The following FLII variants were observed in gnomAD, a reference collection of about 807,000 sequenced individuals.
The protein encoded by FLII is protein flightless-1 homolog.
Under a neutral mutation model 156.2 loss-of-function variants are expected in FLII, and 101 were observed. That is an observed-to-expected ratio of 0.65 (90% CI 0.55 to 0.76). FLII has a LOEUF of 0.76. Ranked by LOEUF, FLII falls within the 30% of genes least tolerant of loss-of-function variation. The pLI, the probability that FLII is intolerant of heterozygous loss-of-function variation, is 0.00. For missense variants in FLII, 1,675 were observed against 1,682.8 expected, an observed-to-expected ratio of 1.00 and a Z score of 0.08; for synonymous variants, 767 against 685.8, an observed-to-expected ratio of 1.12 and a Z score of -1.85.
chr17:18,247,881 G>T (rs1239511381), intron 19 of FLII, 33 bp from the exon 20 acceptor site: 1 of 1,613,478 alleles, frequency 6.2e-7, no homozygotes, highest in Non-Finnish European at 8.5e-7. Flanking sequence ...TCAAAGCCCA[G>T]CCAACGGGGA....
rs978809088 is a variant in FLII, at chr17:18,256,602, G to A, written c.175-5C>T. 3.9e-6 allele frequency: 6 copies of A among 1,551,364 alleles called. No individual in the cohort carries two copies. The highest frequency in any genetic ancestry group is 5.2e-6 in the Non-Finnish European group (6 of 1,146,926). On this transcript the variant is annotated splice_polypyrimidine_tract_variant and splice_region_variant and intron_variant, in intron 2 of 29. Transcript: ENST00000327031. The stretch of plus-strand genomic sequence containing the variant: ...GTGGCTCACAGACAAGTGTTCCTGG[G>A]CCGGAATGGGGAGCACAGGCTCAGC...
intron 2 of FLII, 142 bp from the exon 3 acceptor site, chr17:18,256,739 C>T: frequency 1.2e-6 from 1 of 821,694 alleles, no homozygotes; most frequent in Non-Finnish European, 2.0e-6. Context: ...CCTCACTCAC[C>T]CGGCCTCTTC....
chr17:18,249,035 G>T, intron 16 of FLII, 92 bp downstream of exon 16: 1 of 1,385,604 alleles, frequency 7.2e-7, no homozygotes, highest in Non-Finnish European at 1.0e-6. Context: ...AATTGCTAGA[G>T]GGCCTCCTCT....
In FLII at chr17:18,253,957, A is replaced by G. The variant is rs867349382; in HGVS notation, c.679+122T>C. ...TCATAATCGCAAAAGTCACTGTAACATAACTCCAGCCTTTTCCCTCTGGGT... is the reference window on the plus strand; with the variant it reads ...TCATAATCGCAAAAGTCACTGTAACGTAACTCCAGCCTTTTCCCTCTGGGT... On this transcript the variant is annotated intron_variant, in intron 7 of 29. Coordinates refer to ENST00000327031, the MANE Select transcript of FLII (RefSeq NM_002018.4). The G allele has an allele frequency of 4.5e-5, 37 of 822,044 alleles. No homozygotes were observed. The African/African-American group carries it at 5.3e-4, about 12-fold the overall frequency. 50.9% of individuals were successfully genotyped at this position (822,044 alleles called of 1,614,324 possible).
In FLII at chr17:18,247,869, G is replaced by A. The variant is rs201786801; in HGVS notation, c.2296-21C>T. ...TGCAGCTGCGGACCGGGAGTCTGGA[G>A]GTCAAAGCCCAGCCAACGGGGAGGG... On this transcript the variant is annotated intron_variant, in intron 19 of 29. Coordinates refer to ENST00000327031, the MANE Select transcript of FLII (RefSeq NM_002018.4). 13 of 1,613,892 alleles carry A rather than the reference G, an allele frequency of 8.1e-6. No homozygotes were observed. In the Admixed American group the frequency reaches 1.5e-4, roughly 19 times the overall value.
intron 14 of FLII, among the ~76,000 whole-genome samples, chr17:18,250,376 A>G (rs2048222047): frequency 6.6e-6 from 1 of 152,114 alleles, no homozygotes; most frequent in Non-Finnish European, 1.5e-5. Flanking sequence ...GTCTAGGTGT[A>G]ACCAGCTGGC....
Position 18,247,652 on chromosome 17 carries a change from C to G in FLII, c.2487+5G>C, listed in dbSNP as rs141481849. On this transcript the variant is annotated splice_donor_5th_base_variant and intron_variant, in intron 20 of 29. Coordinates refer to ENST00000327031, the MANE Select transcript of FLII (RefSeq NM_002018.4). ...GGGGAGGGGCCTCCGAAGCTGCAAG[C>G]GCACCTGCGCCTCGGTGCCCTCGAG... is the stretch of plus-strand genomic sequence containing the variant. The G allele has an allele frequency of 1.3e-6, 2 of 1,575,828 alleles. No individual in the cohort carries two copies. The highest frequency in any genetic ancestry group is 1.7e-6 in the Non-Finnish European group (2 of 1,167,242).
intron 14 of FLII, among the ~76,000 whole-genome samples, chr17:18,250,115 T>C (rs2048213409): frequency 6.6e-6 from 1 of 152,216 alleles, no homozygotes; most frequent in South Asian, 2.1e-4. Context: ...AGCGAGAGTC[T>C]GTCTAAAATA....
intron 20 of FLII, 37 bp from the exon 21 acceptor site, chr17:18,247,394 G>A (rs778499002): frequency 1.9e-6 from 3 of 1,553,560 alleles, no homozygotes; most frequent in South Asian, 2.3e-5. Flanking sequence ...TGAGGGGTGC[G>A]GCATGATTAG....
chr17:18,247,166 C>G lies in FLII; in HGVS notation c.2676+3G>C, dbSNP rs758272453. On this transcript the variant is annotated splice_donor_region_variant and intron_variant, in intron 21 of 29. Transcript: ENST00000327031. ...CGCGCCCCGGTCCCGGCCCTGCCCCCACCTCGGCCAGCGACATGGGCGGCT... is the reference window on the plus strand; with the variant it reads ...CGCGCCCCGGTCCCGGCCCTGCCCCGACCTCGGCCAGCGACATGGGCGGCT... 13 of 1,554,956 alleles carry G rather than the reference C, an allele frequency of 8.4e-6. No individual in the cohort carries two copies. Among genetic ancestry groups the G allele is most frequent in the East Asian group, 2.3e-5 (1 of 43,414 alleles).
At chr17:18,248,501 C>A (rs201768971) in intron 18 of FLII, 49 bp downstream of exon 18, 6 of 1,537,704 alleles carry the variant, frequency 3.9e-6, no homozygotes, top group Admixed American at 1.9e-5. Context: ...TTCCCCCAGT[C>A]GGTGGGTGAA....
chr17:18,254,637 T>A lies in FLII; in HGVS notation c.459A>T (p.Leu153=), dbSNP rs569339279. The A allele has an allele frequency of 6.2e-7, 1 of 1,613,906 alleles. No individual in the cohort carries two copies. The highest frequency in any genetic ancestry group is 1.7e-5 in the Admixed American group (1 of 60,002). The change falls in exon 6 of 30, where the codon CTA becomes CTT. Residue 153 remains leucine (L), a synonymous_variant. Transcript: ENST00000327031. ...GGTTCTCGCTGAGGTCCAGGTATAG[T>A]AGGTCAGTGAGGTTGATGAAGAGCT... ...PNQLFINLTD[L]LYLDLSENRL...
rs2048331979 is a variant in FLII, at chr17:18,253,601, G to C, written c.798C>G (p.Asp266Glu). The part of the protein sequence containing the change: ...NQITELSLCI[D>E]QWVHVETLNL... ...TCAGAGTTTCCACGTGCACCCACTG[G>C]TCTATGCACAGGGACAGCTCCGTGA... Residue 266 changes from aspartate (D) to glutamate (E), a missense_variant, in exon 8 of 30, where the codon GAC becomes GAG. Physicochemically the swap from Asp to Glu is conservative, Grantham distance 45. Coordinates refer to ENST00000327031, the MANE Select transcript of FLII (RefSeq NM_002018.4). 1.2e-6 allele frequency: 2 copies of C among 1,613,988 alleles called. No individual in the cohort carries two copies. Among genetic ancestry groups the C allele is most frequent in the African/African-American group, 2.7e-5 (2 of 74,932 alleles).
At chr17:18,257,303 T>A (rs908403876) in intron 1 of FLII, 9 of 424,404 alleles carry the variant, frequency 2.1e-5, no homozygotes, top group Non-Finnish European at 3.4e-5. Context: ...AAGCCCAGCA[T>A]CCGGCTCTGT....
rs1162563519 is a variant in FLII at position 18,251,338 on chromosome 17, T to C, written c.1523A>G (p.Asn508Ser). 1 of 1,613,754 alleles carries C rather than the reference T, an allele frequency of 6.2e-7. No individual in the cohort carries two copies. Among genetic ancestry groups the C allele is most frequent in the Non-Finnish European group, 8.5e-7 (1 of 1,180,032 alleles). ...LPGLTIWQIE[N>S]FVPVLVEEAF... ...TTCCTCCACCAGCACAGGCACGAAG[T>C]TCTCTATCTGCCAGATGGTCAGTCC... The change falls in exon 13 of 30, where the codon AAC becomes AGC. Residue 508 changes from asparagine to serine, a missense_variant. By Grantham distance (46) the Asn-to-Ser change is conservative. This residue lies in a region of FLII where 1,332 missense variants were observed against 1,269.3 expected (regional missense o/e 1.05). Transcript: ENST00000327031.
rs750255746 is a variant in FLII, at chr17:18,251,289, C to T, written c.1572G>A (p.Glu524=). The T allele has an allele frequency of 2.3e-5, 37 of 1,613,910 alleles. No homozygotes were observed. The Admixed American group carries it at 6.0e-4, about 26-fold the overall frequency. The change falls in exon 13 of 30, where the codon GAG becomes GAA. Residue 524 remains glutamate (E), a synonymous_variant. Transcript: ENST00000327031. ...VEEAFHGKFY[E]ADCYIVLKTF... is the part of the protein sequence containing the mutation. ...CCTTGAGCACAATGTAGCAGTCAGCCTCGTAGAACTTGCCGTGGAAGGCTT... is the reference window on the plus strand; with the variant it reads ...CCTTGAGCACAATGTAGCAGTCAGCTTCGTAGAACTTGCCGTGGAAGGCTT...
In FLII at chr17:18,245,772, C is replaced by T. The variant is rs200966684; in HGVS notation, c.3475G>A (p.Glu1159Lys). Reference sequence around the variant, plus strand: ...AAGAGACGTGTGTGTTTCATGTACTCGGCATCGTCATCATAGGGCTTCTGT... The same window carrying T: ...AAGAGACGTGTGTGTTTCATGTACTTGGCATCGTCATCATAGGGCTTCTGT... ...GAQKPYDDDA[E>K]YMKHTRLFRC... Residue 1159 changes from glutamate to lysine, a missense_variant, in exon 27 of 30, where the codon GAG (glutamate) becomes AAG (lysine). Around this residue, in one of 2 missense-constraint regions of FLII, gnomAD observed 1,332 missense variants for 1,269.3 expected, o/e 1.05. Transcript: ENST00000327031. The T allele has an allele frequency of 4.0e-5, 65 of 1,613,988 alleles. 1 individual carries two copies. The highest frequency in any genetic ancestry group is 2.7e-4 in the East Asian group (12 of 44,852).
chr17:18,255,290 AT>A (rs2048381999), intron 3 of FLII, 27 bp from the exon 4 acceptor site: 25 of 1,589,028 alleles, frequency 1.6e-5, no homozygotes, highest in Non-Finnish European at 2.1e-5. Flanking sequence ...AGAGTCTATA[AT>A]TCCTGGCTTC....
rs778516769 is a variant in FLII at position 18,246,721 on chromosome 17, T to G, written c.2924A>C (p.Gln975Pro). 3 of 1,613,530 alleles carry G rather than the reference T, an allele frequency of 1.9e-6. No individual in the cohort carries two copies. The highest frequency in any genetic ancestry group is 2.5e-6 in the Non-Finnish European group (3 of 1,179,692). ...EEATAEAEEKQPEEDFQCIVY... is the reference protein window; with the variant it reads ...EEATAEAEEKPPEEDFQCIVY... ...GATGCACTGGAAGTCCTCCTCTGGC[T>G]GCTTCTCCTCTGCCTCAGCGGTTGC... Residue 975 changes from glutamine to proline, a missense_variant, in exon 23 of 30, where the codon CAG becomes CCG. Around this residue, in one of 2 missense-constraint regions of FLII, gnomAD observed 1,332 missense variants for 1,269.3 expected, o/e 1.05. Transcript: ENST00000327031.
Sources: allele counts gnomAD v4.1 joint callset (sites outside exome capture counted in the v4.1 genomes callset), GRCh38; gene constraint gnomAD v4.1.1; regional missense constraint gnomAD v4.1.1; transcripts MANE v1.5; gene names NCBI Gene and HGNC (gene_info 2026-07-23, HGNC 2026-07-21).